SPRR2D: variants seen among roughly 807,000 people sequenced by gnomAD.
SPRR2D encodes small proline-rich protein 2D.
For synonymous variants in SPRR2D, 43 were observed against 32.8 expected, an observed-to-expected ratio of 1.31 and a Z score of -1.06; for missense variants, 81 against 87.2, an observed-to-expected ratio of 0.93 and a Z score of 0.28.
rs1653951185 is a variant in SPRR2D, at chr1:153,040,211, G to T, written c.136C>A (p.Pro46Thr). 1.9e-6 allele frequency: 3 copies of T among 1,612,834 alleles called. No homozygotes were observed. The East Asian group carries it at 6.7e-5, about 36-fold the overall frequency. The change falls in exon 2 of 2, where the codon CCA (proline) becomes ACA (threonine). Residue 46 changes from proline (P) to threonine (T), a missense_variant. Pro to Thr is a conservative substitution (Grantham distance 38). Transcript: ENST00000360379. The stretch of plus-strand genomic sequence containing the variant: ...TATTTCTGCTGGCACTGCTGAGGTG[G>T]GCAGGGCTGTGGACACTTTGGTGAT... Reference protein sequence around the residue: ...CPSPKCPQPCPPQQCQQKYPP... With the variant: ...CPSPKCPQPCTPQQCQQKYPP...
intron 1 of SPRR2D, chr1:153,040,588 T>C: frequency 1.3e-6 from 1 of 779,312 alleles, no homozygotes; most frequent in Non-Finnish European, 2.0e-6. Flanking sequence ...CCAAAGAAAA[T>C]ATCTCTGTAG....
In SPRR2D at chr1:153,040,473, T is replaced by C. The variant is rs941201286; in HGVS notation, c.-19-108A>G. 21 of 1,511,636 alleles carry C rather than the reference T, an allele frequency of 1.4e-5. No individual in the cohort carries two copies. The Admixed American group carries it at 2.7e-4, about 19-fold the overall frequency. The allele number at this position is 1,511,636 out of a possible 1,614,324, so 93.6% of individuals were successfully genotyped here. On this transcript the variant is annotated intron_variant, in intron 1 of 1. Coordinates refer to ENST00000360379, the MANE Select transcript of SPRR2D (RefSeq NM_006945.5). ...TTATTTCCCCATCTCCAAGAAATTATTTAAACTCTTAACTGCCTTTTCAAG... is the reference window on the plus strand; with the variant it reads ...TTATTTCCCCATCTCCAAGAAATTACTTAAACTCTTAACTGCCTTTTCAAG...
In SPRR2D at chr1:153,040,250, G is replaced by T; in HGVS notation, c.97C>A (p.Pro33Thr). 1 of 1,612,596 alleles carries T rather than the reference G, an allele frequency of 6.2e-7. No individual in the cohort carries two copies. The highest frequency in any genetic ancestry group is 8.5e-7 in the Non-Finnish European group (1 of 1,179,844). The change falls in exon 2 of 2, where the codon CCT becomes ACT. Residue 33 changes from proline (P) to threonine (T), a missense_variant. Physicochemically the swap from Pro to Thr is conservative, Grantham distance 38. Coordinates refer to ENST00000360379, the MANE Select transcript of SPRR2D (RefSeq NM_006945.5). ...CACTTTGGTGATGGGCAGGGCTCAG[G>T]GCACTTCGGGGGTGGACATGGCTCT... is the stretch of plus-strand genomic sequence containing the variant. ...CPEPCPPPKCPEPCPSPKCPQ... is the reference protein window; with the variant it reads ...CPEPCPPPKCTEPCPSPKCPQ...
At position 153,041,095 on chromosome 1, in the gene SPRR2D, A is replaced by G. The variant is rs987918852; in HGVS notation, c.-37T>C. Reference sequence around the variant, plus strand: ...ACACTCACCAGGTTCTCCAAAGCAGATCGGTGCTAGAGTACCAGGAGTTTA... The same window carrying G: ...ACACTCACCAGGTTCTCCAAAGCAGGTCGGTGCTAGAGTACCAGGAGTTTA... On this transcript the variant is annotated 5_prime_UTR_variant, in exon 1 of 2. Coordinates refer to ENST00000360379, the MANE Select transcript of SPRR2D (RefSeq NM_006945.5). 2.0e-5 allele frequency: 3 copies of G among 153,786 alleles called. No individual in the cohort carries two copies. The highest frequency in any genetic ancestry group is 7.2e-5 in the African/African-American group (3 of 41,458). The allele number at this position is 153,786 out of a possible 1,614,324, so 9.5% of individuals were successfully genotyped here. A position where few individuals can be genotyped will look rare whatever the true frequency, so the allele number is the denominator to read the frequency against.
intron 1 of SPRR2D, 32 bp from the exon 2 acceptor site, chr1:153,040,397 A>T (rs377074466): frequency 1.9e-6 from 3 of 1,608,450 alleles, no homozygotes; most frequent in Admixed American, 1.7e-5. Context: ...TGTTTGTGGG[A>T]AGGGACTCCT....
Position 153,040,172 on chromosome 1 carries a change from G to A in SPRR2D, c.175C>T (p.Pro59Ser). 2 of 1,613,074 alleles carry A rather than the reference G, an allele frequency of 1.2e-6. No homozygotes were observed. Among genetic ancestry groups the A allele is most frequent in the South Asian group, 1.1e-5 (1 of 91,044 alleles). Residue 59 changes from proline to serine, a missense_variant, in exon 2 of 2, where the codon CCT becomes TCT. By Grantham distance (74) the Pro-to-Ser change is moderately conservative. Transcript: ENST00000360379. ...QCQQKYPPVT[P>S]SPPCQPKCPP... ...CACTTTGGCTGGCAGGGTGGGGAAG[G>A]TGTCACAGGAGGATATTTCTGCTGG... is the stretch of plus-strand genomic sequence containing the variant.
Position 153,039,937 on chromosome 1 carries a change from G to T in SPRR2D, c.*191C>A. ...TCCTTTTCTTAGCTCCACCTGGACAGTGGCAGTATGGCAGCCTCAGAAAGG... is the reference window on the plus strand; with the variant it reads ...TCCTTTTCTTAGCTCCACCTGGACATTGGCAGTATGGCAGCCTCAGAAAGG... On this transcript the variant is annotated 3_prime_UTR_variant, in exon 2 of 2. Coordinates refer to ENST00000360379, the MANE Select transcript of SPRR2D (RefSeq NM_006945.5). 8.5e-7 allele frequency: 1 copy of T among 1,176,382 alleles called. No individual in the cohort carries two copies. The highest frequency in any genetic ancestry group is 1.5e-5 in the African/African-American group (1 of 64,614). 72.9% of individuals were successfully genotyped at this position (1,176,382 alleles called of 1,614,324 possible).
In SPRR2D at chr1:153,040,016, A is replaced by C; in HGVS notation, c.*112T>G. The stretch of plus-strand genomic sequence containing the variant: ...GGCAGGCCACAGGTTAAGGAGAAAG[A>C]AGCTCCCTGTGCATCCATGGAAGGC... On this transcript the variant is annotated 3_prime_UTR_variant, in exon 2 of 2. Coordinates refer to ENST00000360379, the MANE Select transcript of SPRR2D (RefSeq NM_006945.5). 1 of 1,524,754 alleles carries C rather than the reference A, an allele frequency of 6.6e-7. No individual in the cohort carries two copies. The highest frequency in any genetic ancestry group is 8.8e-7 in the Non-Finnish European group (1 of 1,133,936). The allele number at this position is 1,524,754 out of a possible 1,614,324, so 94.5% of individuals were successfully genotyped here.
chr1:153,040,856 A>G (rs945926257), intron 1 of SPRR2D: 1 of 180,888 alleles, frequency 5.5e-6, no homozygotes, highest in Admixed American at 5.3e-5. Flanking sequence ...TTCTTCTTCA[A>G]TTCAAAGCTT....
chr1:153,040,289 TGG>T lies in SPRR2D; in HGVS notation c.56_57del (p.Pro19HisfsTer15), dbSNP rs1454960041. 1 of 1,611,986 alleles carries T rather than the reference TGG, an allele frequency of 6.2e-7. No individual in the cohort carries two copies. ...KQPCQPPPVC[P>X]TPKCPEPCPP... Reference sequence around the variant, plus strand: ...GGACATGGCTCTGGGCACTTTGGCGTGGGGCACACAGGAGGTGGCTGGCAGGG... The same window carrying T: ...GGACATGGCTCTGGGCACTTTGGCGTGGCACACAGGAGGTGGCTGGCAGGG... On this transcript the variant is annotated frameshift_variant, in exon 2 of 2. Transcript: ENST00000360379. LOFTEE classifies it low-confidence loss of function (END_TRUNC).
chr1:153,040,415 G>C, intron 1 of SPRR2D, 50 bp from the exon 2 acceptor site: 2 of 1,605,972 alleles, frequency 1.2e-6, no homozygotes, highest in Non-Finnish European at 1.7e-6. Context: ...CCTCCAGAGA[G>C]AGAAGCTAAT....
At chr1:153,040,680 A>G (rs1436576439) in intron 1 of SPRR2D, 1 of 455,658 alleles carries the variant, frequency 2.2e-6, no homozygotes, top group Admixed American at 3.8e-5. Context: ...GAGCAATCTC[A>G]CAAGCCATTT....
At position 153,040,270 on chromosome 1, in the gene SPRR2D, G is replaced by A. The variant is rs769109562; in HGVS notation, c.77C>T (p.Pro26Leu). 11 of 1,612,378 alleles carry A rather than the reference G, an allele frequency of 6.8e-6. No individual in the cohort carries two copies. The Admixed American group carries it at 1.8e-4, about 27-fold the overall frequency. The stretch of plus-strand genomic sequence containing the variant: ...CTCAGGGCACTTCGGGGGTGGACAT[G>A]GCTCTGGGCACTTTGGCGTGGGGCA... ...PVCPTPKCPE[P>L]CPPPKCPEPC... Residue 26 changes from proline to leucine, a missense_variant, in exon 2 of 2, where the codon CCA becomes CTA. By Grantham distance (98) the Pro-to-Leu change is moderately conservative (BLOSUM62 -3). Coordinates refer to ENST00000360379, the MANE Select transcript of SPRR2D (RefSeq NM_006945.5).
chr1:153,040,689 TTCTCTTATCATTA>T, intron 1 of SPRR2D: 1 of 434,156 alleles, frequency 2.3e-6, no homozygotes, highest in Non-Finnish European at 4.2e-6. Flanking sequence ...CACAAGCCAT[TTCTCTTATCATTA>T]TCTGTAGTAA....
chr1:153,040,585 A>G (rs1557901279), intron 1 of SPRR2D: 9 of 793,368 alleles, frequency 1.1e-5, no homozygotes, highest in Admixed American at 2.9e-5. Flanking sequence ...TTTCCAAAGA[A>G]AATATCTCTG....
chr1:153,040,417 G>A, intron 1 of SPRR2D, 52 bp from the exon 2 acceptor site: 1 of 1,605,430 alleles, frequency 6.2e-7, no homozygotes, highest in South Asian at 1.1e-5. Context: ...TCCAGAGAGA[G>A]AAGCTAATGC....
chr1:153,040,316 G>A lies in SPRR2D; in HGVS notation c.31C>T (p.Pro11Ser). 2 of 1,612,018 alleles carry A rather than the reference G, an allele frequency of 1.2e-6. No individual in the cohort carries two copies. Among genetic ancestry groups the A allele is most frequent in the South Asian group, 2.2e-5 (2 of 90,982 alleles). The change falls in exon 2 of 2, where the codon CCC becomes TCC. Residue 11 changes from proline (P) to serine (S), a missense_variant. Transcript: ENST00000360379. ...GGGCACACAGGAGGTGGCTGGCAGG[G>A]CTGCTTGCACTGCTGCTGTTGATAA... MSYQQQQCKQPCQPPPVCPTP... is the reference protein window; with the variant it reads MSYQQQQCKQSCQPPPVCPTP...
rs1570974924 is a variant in SPRR2D, at chr1:153,039,809, A to G, written c.*319T>C. On this transcript the variant is annotated 3_prime_UTR_variant, in exon 2 of 2. Transcript: ENST00000360379. The stretch of plus-strand genomic sequence containing the variant: ...GGTGGTAGAAGCTCATGACCAGGTG[A>G]CAGACAGACACAGAACACATCAACA... The G allele has an allele frequency of 2.3e-6, 1 of 434,378 alleles. No individual in the cohort carries two copies. 26.9% of individuals were successfully genotyped at this position (434,378 alleles called of 1,614,324 possible).
chr1:153,040,572 A>G (rs1445458954), intron 1 of SPRR2D: 1 of 890,302 alleles, frequency 1.1e-6, no homozygotes, highest in Non-Finnish European at 1.7e-6. Context: ...TTCTCATACA[A>G]TTTTTCCAAA....
Sources: allele counts gnomAD v4.1 joint callset, GRCh38; gene constraint gnomAD v4.1.1; transcripts MANE v1.5; gene names NCBI Gene and HGNC (gene_info 2026-07-23, HGNC 2026-07-21).